STT3B: variants seen among roughly 807,000 people sequenced by gnomAD.
STT3B encodes dolichyl-diphosphooligosaccharide--protein glycosyltransferase subunit STT3B.
STT3B carries 29 observed loss-of-function variants against 96.8 expected under a neutral mutation model. The observed-to-expected ratio is 0.30, with a 90% CI of 0.22 to 0.41. STT3B has a LOEUF of 0.41. Among genes scored for constraint, STT3B ranks in the 10% least tolerant of loss-of-function variants. The pLI is 1.00. For synonymous variants in STT3B, 367 were observed against 360.0 expected (o/e 1.02, Z -0.22); for missense variants, 640 against 1,022.3 (o/e 0.63, Z 5.10).
intron 1 of STT3B, among the ~76,000 whole-genome samples, chr3:31,557,932 T>A (rs945447868): frequency 6.6e-6 from 1 of 152,214 alleles, no homozygotes; most frequent in Non-Finnish European, 1.5e-5. Context: ...ATTTTTTATA[T>A]CTATTGTAAA....
At chr3:31,578,096 C>T (rs1698299509) in intron 2 of STT3B, among the ~76,000 whole-genome samples, 1 of 152,118 alleles carries the variant, frequency 6.6e-6, no homozygotes, top group Non-Finnish European at 1.5e-5. Flanking sequence ...CACATTGACA[C>T]ATTTGAATGA....
rs142965675 is a variant in STT3B, at chr3:31,549,799, G to A, written c.314+16487G>A. ...TCTATAATATATGAATAGTTATGCC[G>A]GACTTAAATATATGTTATACACGTT... On this transcript the variant is annotated intron_variant, in intron 1 of 15. Coordinates refer to ENST00000295770, the MANE Select transcript of STT3B (RefSeq NM_178862.3). Among the ~76,000 whole-genome samples the A allele has an allele frequency of 1.2e-3, 178 of 151,986 alleles. 5 individuals carry two copies. In the South Asian group the frequency reaches 0.033, roughly 28 times the overall value.
intron 1 of STT3B, among the ~76,000 whole-genome samples, chr3:31,548,139 C>T (rs1697460660): frequency 6.6e-6 from 1 of 152,120 alleles, no homozygotes; most frequent in South Asian, 2.1e-4. Flanking sequence ...TTCTTTCCTG[C>T]CCCGAATTCT....
intron 1 of STT3B, among the ~76,000 whole-genome samples, chr3:31,552,048 TGACATCCTGATG>T (rs1697573381): frequency 6.6e-6 from 1 of 152,188 alleles, no homozygotes; most frequent in African/African-American, 2.4e-5. Flanking sequence ...CCAACCCTGG[TGACATCCTGATG>T]TCAACCTTGT....
At chr3:31,592,479 A>T (rs1385433780) in intron 3 of STT3B, among the ~76,000 whole-genome samples, 1 of 152,036 alleles carries the variant, frequency 6.6e-6, no homozygotes, top group African/African-American at 2.4e-5. Context: ...GTCATATGTC[A>T]ATTCTATTTT....
In STT3B at chr3:31,600,448, G is replaced by C. The variant is rs1698904503; in HGVS notation, c.866G>C (p.Arg289Thr). ...VLLLMQRYSKRVYIAYSTFYI... is the reference protein window; with the variant it reads ...VLLLMQRYSKTVYIAYSTFYI... ...TTACTGATGCAGAGATACAGCAAAA[G>C]AGTCTACATAGGTAAGTAATTTGAT... The change falls in exon 5 of 16, where the codon AGA becomes ACA. Residue 289 changes from arginine to threonine, a missense_variant. Physicochemically the swap from Arg to Thr is moderately conservative, Grantham distance 71. This residue lies in a region of STT3B where 267 missense variants were observed against 388.3 expected (regional missense o/e 0.69). Coordinates refer to ENST00000295770, the MANE Select transcript of STT3B (RefSeq NM_178862.3). The C allele has an allele frequency of 2.0e-6, 3 of 1,529,912 alleles. No homozygotes were observed. The highest frequency in any genetic ancestry group is 2.7e-6 in the Non-Finnish European group (3 of 1,109,398). 94.8% of individuals were successfully genotyped at this position (1,529,912 alleles called of 1,614,324 possible).
intron 2 of STT3B, among the ~76,000 whole-genome samples, chr3:31,576,792 T>G (rs1202322463): frequency 1.3e-5 from 2 of 152,136 alleles, no homozygotes; most frequent in Non-Finnish European, 2.9e-5. Flanking sequence ...TCAGTTTATT[T>G]GTGTATTTGC....
chr3:31,543,483 A>G (rs1697330578), intron 1 of STT3B, among the ~76,000 whole-genome samples: 1 of 152,232 alleles, frequency 6.6e-6, no homozygotes, highest in Admixed American at 6.5e-5. Flanking sequence ...TGCACAGTGA[A>G]TATTAAGACA....
At chr3:31,605,008 A>C (rs1699016086) in intron 5 of STT3B, among the ~76,000 whole-genome samples, 1 of 152,228 alleles carries the variant, frequency 6.6e-6, no homozygotes, top group Non-Finnish European at 1.5e-5. Flanking sequence ...TTAATGAGTT[A>C]CAGGTTAATA....
At chr3:31,543,327 T>G (rs913101485) in intron 1 of STT3B, among the ~76,000 whole-genome samples, 73 of 152,192 alleles carry the variant, frequency 4.8e-4, no homozygotes, top group African/African-American at 1.7e-3. Flanking sequence ...CTGTTATGAT[T>G]ATTTAAATTT....
intron 5 of STT3B, among the ~76,000 whole-genome samples, chr3:31,606,503 A>G (rs996431154): frequency 2.0e-5 from 1 of 50,048 alleles, no homozygotes; most frequent in African/African-American, 3.3e-5. Context: ...AGTTCAGACA[A>G]TGGCTTCAGA....
At chr3:31,562,065 G>A (rs567600232) in intron 1 of STT3B, among the ~76,000 whole-genome samples, 1 of 152,224 alleles carries the variant, frequency 6.6e-6, no homozygotes, top group South Asian at 2.1e-4. Flanking sequence ...TTGGCCCGAG[G>A]GCAGCTTATG....
chr3:31,572,165 T>G (rs2125450145), intron 1 of STT3B, among the ~76,000 whole-genome samples: 1 of 139,632 alleles, frequency 7.2e-6, no homozygotes, highest in African/African-American at 2.8e-5. Context: ...ATATAATATA[T>G]AGCTAATTAT....
At chr3:31,624,013 AATAC>A (rs1699481177) in intron 11 of STT3B, 152 bp downstream of exon 11, 12 of 616,312 alleles carry the variant, frequency 1.9e-5, no homozygotes, top group Admixed American at 1.6e-4. Flanking sequence ...GTACACAGTA[AATAC>A]ATAATTTTAT....
rs1256831457 is a variant in STT3B, at chr3:31,533,106, C to T, written c.108C>T (p.Pro36=). 3.5e-6 allele frequency: 5 copies of T among 1,431,468 alleles called. No individual in the cohort carries two copies. Among genetic ancestry groups the T allele is most frequent in the South Asian group, 1.6e-5 (1 of 63,708 alleles). The allele number at this position is 1,431,468 out of a possible 1,614,324, so 88.7% of individuals were successfully genotyped here. Residue 36 remains proline (P), a synonymous_variant, in exon 1 of 16, where the codon CCC becomes CCT. Coordinates refer to ENST00000295770, the MANE Select transcript of STT3B (RefSeq NM_178862.3). ...LGNSRHGHHG[P]GAQCAHKAAG... is the part of the protein sequence containing the mutation. ...ACAGCCGGCACGGCCACCACGGGCC[C>T]GGGGCCCAGTGCGCGCACAAGGCGG...
chr3:31,547,867 G>C (rs1697454540), intron 1 of STT3B, among the ~76,000 whole-genome samples: 1 of 152,152 alleles, frequency 6.6e-6, no homozygotes. Context: ...TGTGTTGAAG[G>C]CACCTCAGCA....
intron 5 of STT3B, among the ~76,000 whole-genome samples, chr3:31,601,512 CAG>C (rs1342846934): frequency 3.9e-5 from 6 of 152,046 alleles, no homozygotes; most frequent in African/African-American, 1.2e-4. Context: ...TCCATAGAAA[CAG>C]AAAGTAGAGT....
chr3:31,533,506 T>A, intron 1 of STT3B, 194 bp downstream of exon 1: 1 of 602,682 alleles, frequency 1.7e-6, no homozygotes, highest in Non-Finnish European at 2.4e-6. Context: ...CCGTGCAGCC[T>A]GAGGCGGGGC....
chr3:31,612,410 CTGGT>C (rs1699202696), intron 5 of STT3B, among the ~76,000 whole-genome samples: 1 of 152,166 alleles, frequency 6.6e-6, no homozygotes, highest in Non-Finnish European at 1.5e-5. Flanking sequence ...ACCATTGGTG[CTGGT>C]AAGTGGGTAT....
Sources: gnomAD v4.1 joint callset for allele counts (sites outside exome capture counted in the v4.1 genomes callset) on GRCh38, gnomAD v4.1.1 for gene constraint, gnomAD v4.1.1 regional missense constraint, MANE v1.5 for transcripts, NCBI Gene and HGNC (gene_info 2026-07-23, HGNC 2026-07-21) for gene names.